The following ADARB2 variants were observed in gnomAD, a reference collection of about 807,000 sequenced individuals.
ADARB2 encodes inactive double-stranded RNA-specific editase B2.
ADARB2 carries 25 observed loss-of-function variants against 62.2 expected under a neutral mutation model. That is an observed-to-expected ratio of 0.40 (90% CI 0.29 to 0.56). The LOEUF is 0.56. Among genes scored for constraint, ADARB2 ranks in the 20% least tolerant of loss-of-function variants. The pLI, the probability that ADARB2 is intolerant of heterozygous loss-of-function variation, is 0.43. For synonymous variants in ADARB2, 572 were observed against 500.8 expected (o/e 1.14, Z -1.90); for missense variants, 1,071 against 1,077.4 (o/e 0.99, Z 0.08).
Position 1,532,687 on chromosome 10 carries a change from GC to G in ADARB2, c.101-153528del, listed in dbSNP as rs1219627211. 6.6e-5 allele frequency among the ~76,000 whole-genome samples: 10 copies of G among 152,308 alleles called. No homozygotes were observed. In the East Asian group the frequency reaches 1.9e-3, roughly 29 times the overall value. On this transcript the variant is annotated intron_variant, in intron 1 of 9. Coordinates refer to ENST00000381312, the MANE Select transcript of ADARB2 (RefSeq NM_018702.4). ...CGGGCCTCTTCTCATCTCAGTGCCA[GC>G]CGTGATGATCAGAAACATTTCTTTA...
chr10:1,368,439 A>G (rs778237818), intron 2 of ADARB2, among the ~76,000 whole-genome samples: 1 of 151,888 alleles, frequency 6.6e-6, no homozygotes, highest in Non-Finnish European at 1.5e-5. Context: ...TCCGGGCCCT[A>G]CTTCTCTCCC....
chr10:1,251,268 G>A (rs1831035206), intron 4 of ADARB2, among the ~76,000 whole-genome samples: 1 of 152,156 alleles, frequency 6.6e-6, no homozygotes, highest in Non-Finnish European at 1.5e-5. Flanking sequence ...CAGTTATCAA[G>A]CCATGAAAAG....
chr10:1,627,270 G>A (rs1470932869), intron 1 of ADARB2, among the ~76,000 whole-genome samples: 7 of 152,136 alleles, frequency 4.6e-5, no homozygotes, highest in African/African-American at 1.7e-4. Flanking sequence ...CTGAAGATTA[G>A]ACTCCTGATC....
rs1290145670 is a variant in ADARB2 at position 1,182,264 on chromosome 10, C to G, written c.*929G>C. 5 of 152,326 alleles carry G rather than the reference C, an allele frequency of 3.3e-5. No individual in the cohort carries two copies. Among genetic ancestry groups the G allele is most frequent in the African/African-American group, 1.2e-4 (5 of 41,474 alleles). 9.4% of individuals were successfully genotyped at this position (152,326 alleles called of 1,614,324 possible). On this transcript the variant is annotated 3_prime_UTR_variant, in exon 10 of 10. Coordinates refer to ENST00000381312, the MANE Select transcript of ADARB2 (RefSeq NM_018702.4). Reference sequence around the variant, plus strand: ...GGAGGTTATAGGGTGGTAGCTAACCCTTACACAACCCAGACCTCAGTGGCT... The same window carrying G: ...GGAGGTTATAGGGTGGTAGCTAACCGTTACACAACCCAGACCTCAGTGGCT...
chr10:1,491,369 T>A (rs4880857), intron 1 of ADARB2, among the ~76,000 whole-genome samples: 1 of 152,082 alleles, frequency 6.6e-6, no homozygotes, highest in African/African-American at 2.4e-5. Flanking sequence ...CGTGCCTGGC[T>A]TATTATTTCT....
intron 1 of ADARB2, among the ~76,000 whole-genome samples, chr10:1,697,759 C>G (rs545422820): frequency 3.3e-5 from 5 of 152,240 alleles, no homozygotes; most frequent in Admixed American, 2.6e-4. Flanking sequence ...GGGCCCGTGA[C>G]CTGAGCACGG....
In ADARB2 at chr10:1,477,466, T is replaced by C. The variant is rs758465340; in HGVS notation, c.101-98306A>G. 2.6e-5 allele frequency among the ~76,000 whole-genome samples: 4 copies of C among 152,174 alleles called. No individual in the cohort carries two copies. The highest frequency in any genetic ancestry group is 5.9e-5 in the Non-Finnish European group (4 of 68,026). On this transcript the variant is annotated intron_variant, in intron 1 of 9. Coordinates refer to ENST00000381312, the MANE Select transcript of ADARB2 (RefSeq NM_018702.4). The surrounding 1 kb of genome is among the most constrained non-coding windows in gnomAD (Gnocchi z 4.5). ...TTTGCAGACGGCCCCTTTTCTGCTGTGCTGCCCATTGCTTTCTTGCAACGT... is the reference window on the plus strand; with the variant it reads ...TTTGCAGACGGCCCCTTTTCTGCTGCGCTGCCCATTGCTTTCTTGCAACGT...
intron 1 of ADARB2, among the ~76,000 whole-genome samples, chr10:1,544,241 C>A (rs1333974369): frequency 6.6e-6 from 1 of 152,186 alleles, no homozygotes; most frequent in African/African-American, 2.4e-5. Flanking sequence ...GCAGGTGGCA[C>A]CAGGGCTGCT....
intron 3 of ADARB2, among the ~76,000 whole-genome samples, chr10:1,355,909 G>A (rs1435237947): frequency 6.6e-6 from 1 of 152,072 alleles, no homozygotes; most frequent in Non-Finnish European, 1.5e-5. Flanking sequence ...ATATGTTATA[G>A]AAATATATAG....
At chr10:1,578,037 G>T (rs1320599796) in intron 1 of ADARB2, among the ~76,000 whole-genome samples, 3 of 152,184 alleles carry the variant, frequency 2.0e-5, no homozygotes, top group Non-Finnish European at 2.9e-5. Context: ...CAGGACTGTG[G>T]AAGCAGGAAA....
chr10:1,685,745 C>G (rs1187635551), intron 1 of ADARB2, among the ~76,000 whole-genome samples: 1 of 152,188 alleles, frequency 6.6e-6, no homozygotes, highest in Non-Finnish European at 1.5e-5. Flanking sequence ...AATGAAGACA[C>G]CCCAAGGGTC....
Position 1,633,553 on chromosome 10 carries a change from T to TATCC in ADARB2, c.100+103497_100+103498insGGAT, listed in dbSNP as rs1430558488. Among the ~76,000 whole-genome samples, 3 of 62,610 alleles carry TATCC rather than the reference T, an allele frequency of 4.8e-5. No homozygotes were observed. The Admixed American group carries it at 4.9e-4, about 10-fold the overall frequency. 41.1% of individuals were successfully genotyped at this position (62,610 alleles called of 152,430 possible). A position where few individuals can be genotyped will look rare whatever the true frequency, so the allele number is the denominator to read the frequency against. ...TCTGTCTGTCTGTCTATCTATCATC[T>TATCC]ATCTATCTATCTATCTATCTATCTA... is the stretch of plus-strand genomic sequence containing the variant. On this transcript the variant is annotated intron_variant, in intron 1 of 9. Transcript: ENST00000381312.
chr10:1,646,274 CT>C (rs980924891), intron 1 of ADARB2, among the ~76,000 whole-genome samples: 2 of 152,250 alleles, frequency 1.3e-5, no homozygotes, highest in African/African-American at 4.8e-5. Flanking sequence ...CTTAGCCATG[CT>C]GGGCTTTGTC....
At chr10:1,192,185 T>C (rs2131737739) in intron 8 of ADARB2, among the ~76,000 whole-genome samples, 1 of 152,358 alleles carries the variant, frequency 6.6e-6, no homozygotes, top group Admixed American at 6.5e-5. Context: ...AAAATTAAAT[T>C]TACACAAGAC....
chr10:1,633,549 CATCT>C (rs57536419), intron 1 of ADARB2, among the ~76,000 whole-genome samples: 24,098 of 101,178 alleles, frequency 0.24, 2,594 homozygotes, highest in African/African-American at 0.27. Context: ...GTCTATCTAT[CATCT>C]ATCTATCTAT....
chr10:1,285,861 A>C (rs992142249), intron 3 of ADARB2, among the ~76,000 whole-genome samples: 3 of 152,252 alleles, frequency 2.0e-5, no homozygotes, highest in Admixed American at 6.5e-5. Context: ...ATTGACATTC[A>C]GCCAAAGTGG....
intron 1 of ADARB2, among the ~76,000 whole-genome samples, chr10:1,723,890 T>G (rs1374550146): frequency 6.6e-6 from 1 of 152,190 alleles, no homozygotes; most frequent in Non-Finnish European, 1.5e-5. Flanking sequence ...GCTACAGGGA[T>G]GAAGGTGGGA....
At chr10:1,473,081 G>A (rs1211928292) in intron 1 of ADARB2, among the ~76,000 whole-genome samples, 1 of 152,140 alleles carries the variant, frequency 6.6e-6, no homozygotes, top group Non-Finnish European at 1.5e-5. Context: ...GGAACGTGGG[G>A]CCCTGGAAGC....
intron 1 of ADARB2, among the ~76,000 whole-genome samples, chr10:1,683,475 C>T (rs1834564421): frequency 6.6e-6 from 1 of 152,152 alleles, no homozygotes; most frequent in South Asian, 2.1e-4. Flanking sequence ...TCAGAAACTC[C>T]CAGTTTCTGG....
Sources: gnomAD v4.1 joint callset for allele counts (sites outside exome capture counted in the v4.1 genomes callset) on GRCh38, gnomAD v4.1.1 for gene constraint, Gnocchi (gnomAD v3.1) non-coding constraint, MANE v1.5 for transcripts, NCBI Gene and HGNC (gene_info 2026-07-23, HGNC 2026-07-21) for gene names.